Variants in DBF4B observed in about 807,000 individuals in gnomAD.
DBF4B encodes protein DBF4 homolog B.
In DBF4B, 49 loss-of-function variants were observed where a neutral mutation model predicts 53.4. The observed-to-expected ratio is 0.92, with a 90% confidence interval of 0.73 to 1.16. The LOEUF is 1.16. Ranked by LOEUF, DBF4B falls within the 50% of genes most tolerant of loss-of-function variation. The probability of loss-of-function intolerance (pLI) is 0.00; values close to 1 mark genes in which losing one functional copy is unlikely to be tolerated. For synonymous variants in DBF4B, 257 were observed against 288.7 expected, an observed-to-expected ratio of 0.89 and a Z score of 1.11; for missense variants, 692 against 775.0, an observed-to-expected ratio of 0.89 and a Z score of 1.27.
intron 7 of DBF4B, among the ~76,000 whole-genome samples, chr17:44,735,724 G>A (rs777353464): frequency 1.7e-4 from 26 of 152,116 alleles, no homozygotes; most frequent in African/African-American, 2.4e-4. Context: ...TGAGTTTTGG[G>A]TGTAATGTGC....
intron 9 of DBF4B, among the ~76,000 whole-genome samples, chr17:44,741,025 C>T (rs1470036015): frequency 6.6e-6 from 1 of 152,010 alleles, no homozygotes; most frequent in Non-Finnish European, 1.5e-5. Flanking sequence ...GTCCCAGCTA[C>T]TCGGGAGGCT....
At position 44,708,721 on chromosome 17, in the gene DBF4B, AAC is replaced by A; in HGVS notation, c.-99_-98del. The stretch of plus-strand genomic sequence containing the variant: ...ATTGATGCTGTAGCTGCCCTGAGAT[AAC>A]CAGGACTGTGGAATCGGGAAGAGCT... On this transcript the variant is annotated 5_prime_UTR_variant, in exon 1 of 14. Transcript: ENST00000315005. The A allele has an allele frequency of 7.0e-7, 1 of 1,436,494 alleles. No homozygotes were observed. Among genetic ancestry groups the A allele is most frequent in the Non-Finnish European group, 9.4e-7 (1 of 1,060,696 alleles). 89.0% of individuals were successfully genotyped at this position (1,436,494 alleles called of 1,614,324 possible).
In DBF4B at chr17:44,738,379, T is replaced by C; in HGVS notation, c.668T>C (p.Val223Ala). 1 of 1,613,530 alleles carries C rather than the reference T, an allele frequency of 6.2e-7. No individual in the cohort carries two copies. The highest frequency in any genetic ancestry group is 8.5e-7 in the Non-Finnish European group (1 of 1,179,572). The change falls in exon 9 of 14, where the codon GTG becomes GCG. Residue 223 changes from valine (V) to alanine (A), a missense_variant and splice_region_variant. Val to Ala is a moderately conservative substitution (Grantham distance 64). Coordinates refer to ENST00000315005, the MANE Select transcript of DBF4B (RefSeq NM_145663.3). ...GATGTGTGCATTCTTCCCCTTTCAGTGGCCAGACTGAAGGCCCCGTTCCTC... is the reference window on the plus strand; with the variant it reads ...GATGTGTGCATTCTTCCCCTTTCAGCGGCCAGACTGAAGGCCCCGTTCCTC... ...CPAAESRTRK[V>A]ARLKAPFLKI...
At chr17:44,729,619 AG>A (rs1443052231) in intron 3 of DBF4B, among the ~76,000 whole-genome samples, 1 of 151,788 alleles carries the variant, frequency 6.6e-6, no homozygotes, top group East Asian at 1.9e-4. Context: ...TAGAACTCAA[AG>A]CCCGCAGCCT....
At chr17:44,746,306 A>T (rs987737668) in intron 10 of DBF4B, among the ~76,000 whole-genome samples, 1 of 151,384 alleles carries the variant, frequency 6.6e-6, no homozygotes, top group Non-Finnish European at 1.5e-5. Flanking sequence ...GACAGCTGTG[A>T]GAGATCCAAG....
chr17:44,726,548 C>T (rs1974364330), intron 3 of DBF4B, among the ~76,000 whole-genome samples: 1 of 151,824 alleles, frequency 6.6e-6, no homozygotes, highest in African/African-American at 2.4e-5. Context: ...AGGCATGAGC[C>T]ACAGCATCCA....
rs765334573 is a variant in DBF4B, at chr17:44,750,907, C to T, written c.1502C>T (p.Pro501Leu). 8.7e-6 allele frequency: 14 copies of T among 1,614,090 alleles called. No homozygotes were observed. The highest frequency in any genetic ancestry group is 3.3e-4 in the Middle Eastern group (2 of 6,084). Reference protein sequence around the residue: ...KGPLLFPEARPWLMSARCWVR... With the variant: ...KGPLLFPEARLWLMSARCWVR... ...CCACTCCTCTTCCCTGAAGCCAGAC[C>T]GTGGCTTATGTCTGCACGCTGCTGG... The change falls in exon 14 of 14, where the codon CCG becomes CTG. Residue 501 changes from proline (P) to leucine (L), a missense_variant. Around this residue, in one of 3 missense-constraint regions of DBF4B, gnomAD observed 597 missense variants for 665.8 expected, o/e 0.90. Transcript: ENST00000315005.
intron 10 of DBF4B, among the ~76,000 whole-genome samples, chr17:44,742,176 C>T (rs1019040383): frequency 5.3e-5 from 8 of 151,420 alleles, no homozygotes; most frequent in South Asian, 2.1e-4. Context: ...GCTAAGGGGG[C>T]GGATCACTTC....
chr17:44,711,742 A>G (rs1023440002), intron 2 of DBF4B, among the ~76,000 whole-genome samples: 12 of 151,902 alleles, frequency 7.9e-5, no homozygotes, highest in African/African-American at 2.9e-4. Flanking sequence ...AGGTCAGGAG[A>G]TTGAGACCAT....
In DBF4B at chr17:44,749,219, A is replaced by G. The variant is rs1288043244; in HGVS notation, c.1189+754A>G. Reference sequence around the variant, plus strand: ...TGTTCCCGATGCCTCTGGGCCCCCCAGCCTCTCCAGGTGCCCTGTCTCCCT... The same window carrying G: ...TGTTCCCGATGCCTCTGGGCCCCCCGGCCTCTCCAGGTGCCCTGTCTCCCT... On this transcript the variant is annotated intron_variant, in intron 13 of 13. Transcript: ENST00000315005. This position sits in a 1 kb window ranked among gnomAD's most constrained non-coding sequence, Gnocchi z 4.4. 4 of 1,290,248 alleles carry G rather than the reference A, an allele frequency of 3.1e-6. No homozygotes were observed. The Admixed American group carries it at 9.2e-5, about 30-fold the overall frequency. The allele number at this position is 1,290,248 out of a possible 1,614,324, so 79.9% of individuals were successfully genotyped here. A position where few individuals can be genotyped will look rare whatever the true frequency, so the allele number is the denominator to read the frequency against.
chr17:44,733,919 A>G (rs1975091383), intron 6 of DBF4B, 171 bp from the exon 7 acceptor site: 1 of 608,600 alleles, frequency 1.6e-6, no homozygotes, highest in Admixed American at 2.8e-5. Context: ...CCAGTCCTTA[A>G]CCTCCGCTGT....
rs141740084 is a variant in DBF4B, at chr17:44,711,456, C to G, written c.82+2090C>G. Among the ~76,000 whole-genome samples, 523 of 152,222 alleles carry G rather than the reference C, an allele frequency of 3.4e-3. 3 individuals carry two copies. Among genetic ancestry groups the G allele is most frequent in the African/African-American group, 0.012 (498 of 41,532 alleles). ...CTCCCAATCTCCTGCCTCAGTCTCCCAAGTAGCTATGTCTTCAGGTGCATG... is the reference window on the plus strand; with the variant it reads ...CTCCCAATCTCCTGCCTCAGTCTCCGAAGTAGCTATGTCTTCAGGTGCATG... On this transcript the variant is annotated intron_variant, in intron 2 of 13. Transcript: ENST00000315005.
At chr17:44,729,251 G>C (rs1184628582) in intron 3 of DBF4B, among the ~76,000 whole-genome samples, 5 of 150,314 alleles carry the variant, frequency 3.3e-5, no homozygotes, top group Non-Finnish European at 7.4e-5. Context: ...CCCCAAGCTG[G>C]AGTGTAGTAG....
chr17:44,724,724 G>C (rs1353382474), intron 3 of DBF4B, among the ~76,000 whole-genome samples: 1 of 152,180 alleles, frequency 6.6e-6, no homozygotes, highest in Non-Finnish European at 1.5e-5. Context: ...TCATACCTGT[G>C]ATCTCAACAC....
chr17:44,746,533 G>C (rs903345122), intron 10 of DBF4B, among the ~76,000 whole-genome samples: 1 of 152,072 alleles, frequency 6.6e-6, no homozygotes, highest in Non-Finnish European at 1.5e-5. Flanking sequence ...GAGAAGGACG[G>C]AGATGGCTGG....
At chr17:44,746,180 C>T (rs1010539491) in intron 10 of DBF4B, among the ~76,000 whole-genome samples, 4 of 148,330 alleles carry the variant, frequency 2.7e-5, no homozygotes, top group South Asian at 2.1e-4. Context: ...TGCAGTGAGC[C>T]GAAATCATGC....
At chr17:44,747,266 C>T in intron 11 of DBF4B, 75 bp downstream of exon 11, 15 of 1,598,036 alleles carry the variant, frequency 9.4e-6, no homozygotes, top group Non-Finnish European at 1.2e-5. Context: ...TGAGTCCTTC[C>T]TATGCGATCT....
chr17:44,746,999 C>A, intron 10 of DBF4B, 84 bp from the exon 11 acceptor site: 2 of 1,313,880 alleles, frequency 1.5e-6, no homozygotes, highest in Non-Finnish European at 2.2e-6. Flanking sequence ...CCCTCCCTGA[C>A]CTAGGCTCCA....
At chr17:44,739,502 A>G (rs936331246) in intron 9 of DBF4B, among the ~76,000 whole-genome samples, 2 of 152,200 alleles carry the variant, frequency 1.3e-5, no homozygotes, top group African/African-American at 4.8e-5. Context: ...TTGGTGGCCC[A>G]AAGGCAAGTG....
Sources: gnomAD v4.1 joint callset for allele counts (sites outside exome capture counted in the v4.1 genomes callset) on GRCh38, gnomAD v4.1.1 for gene constraint, gnomAD v4.1.1 regional missense constraint, Gnocchi (gnomAD v3.1) non-coding constraint, MANE v1.5 for transcripts, NCBI Gene and HGNC (gene_info 2026-07-23, HGNC 2026-07-21) for gene names.